The following LEKR1 variants were observed in gnomAD, a reference collection of about 807,000 sequenced individuals.
The protein encoded by LEKR1 is leucine, glutamate and lysine rich 1.
LEKR1 carries 59 observed loss-of-function variants against 72.4 expected under a neutral mutation model. The ratio of observed to expected loss-of-function variants is 0.82; its 90% confidence interval spans 0.66 to 1.01. The LOEUF is 1.01. Ranked by LOEUF, LEKR1 falls within the 50% of genes least tolerant of loss-of-function variation. The pLI is 0.00. For synonymous variants in LEKR1, 257 were observed against 263.2 expected (o/e 0.98, Z 0.23); for missense variants, 728 against 759.2 (o/e 0.96, Z 0.48).
At chr3:156,837,202 T>A (rs1433270612) in intron 2 of LEKR1, among the ~76,000 whole-genome samples, 2 of 152,232 alleles carry the variant, frequency 1.3e-5, no homozygotes, top group African/African-American at 4.8e-5. Context: ...ATAGAGGAGA[T>A]ATCTCCATCG....
At chr3:156,852,127 A>T (rs757029162) in intron 2 of LEKR1, 4 of 152,204 alleles carry the variant, frequency 2.6e-5, no homozygotes, top group African/African-American at 9.6e-5. Flanking sequence ...GCTTCTCCGC[A>T]TATCAGCTGG....
At chr3:156,910,751 A>T (rs1057032159) in intron 3 of LEKR1, among the ~76,000 whole-genome samples, 3 of 152,242 alleles carry the variant, frequency 2.0e-5, no homozygotes, top group African/African-American at 7.2e-5. Context: ...TCCATCACTG[A>T]TGAACACCTA....
chr3:156,967,182 A>G (rs1728701652), intron 6 of LEKR1, among the ~76,000 whole-genome samples: 3 of 152,174 alleles, frequency 2.0e-5, no homozygotes, highest in African/African-American at 7.2e-5. Flanking sequence ...TGGGGAAAAA[A>G]CAGAGCAGAA....
intron 2 of LEKR1, among the ~76,000 whole-genome samples, chr3:156,831,514 A>G (rs527657412): frequency 1.3e-5 from 2 of 152,358 alleles, no homozygotes; most frequent in East Asian, 3.9e-4. Context: ...TGCTGTTAAT[A>G]AAGACATACC....
Position 157,045,466 on chromosome 3 carries a change from C to T in LEKR1, c.1795C>T (p.Pro599Ser), listed in dbSNP as rs1735682263. The T allele has an allele frequency of 1.2e-6, 2 of 1,614,150 alleles. No homozygotes were observed. The highest frequency in any genetic ancestry group is 8.5e-7 in the Non-Finnish European group (1 of 1,180,020). Residue 599 changes from proline (P) to serine (S), a missense_variant, in exon 13 of 13, where the codon CCG becomes TCG. Pro to Ser is a moderately conservative substitution (Grantham distance 74). Transcript: ENST00000356539. ...GCTTCGTGGAAGTTTACCATTCTCA[C>T]CGTGTTCCCTCAGCAAGGGCAGCCT... ...SKLRGSLPFS[P>S]CSLSKGSLTS...
chr3:156,900,380 G>A (rs1227217976), intron 3 of LEKR1, among the ~76,000 whole-genome samples: 1 of 152,160 alleles, frequency 6.6e-6, no homozygotes, highest in Non-Finnish European at 1.5e-5. Flanking sequence ...TTGTAACCTA[G>A]GCAAATCTTC....
At chr3:157,030,120 AGCCAGT>A (rs1393959335) in intron 12 of LEKR1, among the ~76,000 whole-genome samples, 1 of 152,194 alleles carries the variant, frequency 6.6e-6, no homozygotes, top group Non-Finnish European at 1.5e-5. Context: ...GTGAAGGAGA[AGCCAGT>A]GCATCACATG....
chr3:156,949,499 T>C (rs899912147), intron 6 of LEKR1, among the ~76,000 whole-genome samples: 1 of 151,618 alleles, frequency 6.6e-6, no homozygotes, highest in African/African-American at 2.4e-5. Context: ...CTGTGCTCTC[T>C]ATTCTGGTCC....
At chr3:157,045,001 G>T (rs977120594) in intron 12 of LEKR1, among the ~76,000 whole-genome samples, 1 of 152,206 alleles carries the variant, frequency 6.6e-6, no homozygotes, top group African/African-American at 2.4e-5. Context: ...CAGAGAAGTT[G>T]AAACTCCACT....
At chr3:157,002,207 T>C (rs1337185113) in intron 9 of LEKR1, among the ~76,000 whole-genome samples, 1 of 152,166 alleles carries the variant, frequency 6.6e-6, no homozygotes, top group Non-Finnish European at 1.5e-5. Flanking sequence ...GATACCTAAA[T>C]AGCTATACAT....
chr3:157,038,600 T>C (rs1313458102), intron 12 of LEKR1, among the ~76,000 whole-genome samples: 1 of 152,042 alleles, frequency 6.6e-6, no homozygotes, highest in Non-Finnish European at 1.5e-5. Context: ...AATCTAGCGA[T>C]GGTGACAGAA....
chr3:156,927,823 C>T (rs1193508974), intron 5 of LEKR1, among the ~76,000 whole-genome samples: 1 of 151,742 alleles, frequency 6.6e-6, no homozygotes, highest in Non-Finnish European at 1.5e-5. Flanking sequence ...GAACTGTGGC[C>T]AGAAGTCTGT....
intron 3 of LEKR1, among the ~76,000 whole-genome samples, chr3:156,884,803 T>G (rs1335030812): frequency 6.6e-6 from 1 of 152,214 alleles, no homozygotes; most frequent in African/African-American, 2.4e-5. Context: ...TATTTGTGCT[T>G]CTTATATTTG....
At position 156,942,953 on chromosome 3, in the gene LEKR1, A is replaced by T. The variant is rs76291347; in HGVS notation, c.745+239A>T. Among the ~76,000 whole-genome samples, 12 of 152,092 alleles carry T rather than the reference A, an allele frequency of 7.9e-5. No homozygotes were observed. In the East Asian group the frequency reaches 2.1e-3, roughly 27 times the overall value. ...AAGTGAATATATAAAAGACATTTCA[A>T]CTGCAACGTAAGATTTCAGAAAAAT... is the stretch of plus-strand genomic sequence containing the variant. On this transcript the variant is annotated intron_variant, in intron 6 of 12. Transcript: ENST00000356539.
intron 3 of LEKR1, among the ~76,000 whole-genome samples, chr3:156,890,252 T>A (rs1720520626): frequency 6.6e-6 from 1 of 152,176 alleles, no homozygotes; most frequent in Non-Finnish European, 1.5e-5. Context: ...AAATAGCATA[T>A]AAAGTAACAG....
chr3:157,003,093 T>A (rs1732137998), intron 9 of LEKR1, among the ~76,000 whole-genome samples: 1 of 152,206 alleles, frequency 6.6e-6, no homozygotes. Context: ...CTCATTTGGA[T>A]TTTCTAATCA....
intron 3 of LEKR1, among the ~76,000 whole-genome samples, chr3:156,880,779 G>A (rs1233405213): frequency 7.2e-5 from 11 of 152,186 alleles, no homozygotes; most frequent in Admixed American, 7.2e-4. Flanking sequence ...GAATCCAGCA[G>A]CACATCAAAA....
chr3:156,838,067 T>C (rs1713386553), intron 2 of LEKR1, among the ~76,000 whole-genome samples: 2 of 152,318 alleles, frequency 1.3e-5, no homozygotes, highest in South Asian at 4.1e-4. Flanking sequence ...GTCACCCCGC[T>C]TAGCATCCAA....
intron 3 of LEKR1, among the ~76,000 whole-genome samples, chr3:156,882,957 A>T (rs9810194): frequency 9.3e-5 from 14 of 151,128 alleles, no homozygotes; most frequent in African/African-American, 3.2e-4. Context: ...AACAATGAGA[A>T]CACATGGACA....
Sources: gnomAD v4.1 joint callset for allele counts (sites outside exome capture counted in the v4.1 genomes callset) on GRCh38, gnomAD v4.1.1 for gene constraint, MANE v1.5 for transcripts, NCBI Gene and HGNC (gene_info 2026-07-23, HGNC 2026-07-21) for gene names.